Variants in ST3GAL6 observed in about 807,000 individuals in gnomAD.
The protein encoded by ST3GAL6 is type 2 lactosamine alpha-2,3-sialyltransferase.
Under a neutral mutation model 40.5 loss-of-function variants are expected in ST3GAL6, and 31 were observed. The ratio of observed to expected loss-of-function variants is 0.77; its 90% CI spans 0.58 to 1.03. The LOEUF (loss-of-function observed/expected upper bound fraction) is 1.03, where lower values mean the gene tolerates loss of function less well. Ranked by LOEUF, ST3GAL6 falls within the 50% of genes least tolerant of loss-of-function variation. The pLI, the probability that ST3GAL6 is intolerant of heterozygous loss-of-function variation, is 0.00. For synonymous variants in ST3GAL6, 129 were observed against 136.9 expected (o/e 0.94, Z 0.40); for missense variants, 357 against 393.2 (o/e 0.91, Z 0.78).
chr3:98,768,620 T>G, intron 2 of ST3GAL6, 91 bp downstream of exon 2: 2 of 902,808 alleles, frequency 2.2e-6, no homozygotes, highest in Non-Finnish European at 3.5e-6. Flanking sequence ...TGAAAAAAAC[T>G]TGTACCATTT....
chr3:98,768,609 A>C, intron 2 of ST3GAL6, 80 bp downstream of exon 2: 1 of 1,076,940 alleles, frequency 9.3e-7, no homozygotes. Flanking sequence ...AGAGGGTCCT[A>C]TGAAAAAAAC....
At chr3:98,737,119 G>T (rs924439070) in intron 1 of ST3GAL6, among the ~76,000 whole-genome samples, 3 of 151,980 alleles carry the variant, frequency 2.0e-5, no homozygotes, top group African/African-American at 7.2e-5. Flanking sequence ...CTCGATCTCC[G>T]CTCACTAAAA....
At chr3:98,733,244 G>A (rs1162124632) in intron 1 of ST3GAL6, 11 of 978,158 alleles carry the variant, frequency 1.1e-5, no homozygotes, top group Non-Finnish European at 1.2e-5. Flanking sequence ...GTGCGCCGCA[G>A]CCACCGCCGA....
upstream of ST3GAL6, among the ~76,000 whole-genome samples, chr3:98,758,843 T>A (rs941776431): frequency 6.6e-6 from 1 of 152,212 alleles, no homozygotes; most frequent in Non-Finnish European, 1.5e-5. Context: ...CTTTACCATG[T>A]GCCAGTTACT....
chr3:98,779,611 G>A (rs1430052167), intron 5 of ST3GAL6, among the ~76,000 whole-genome samples: 1 of 152,136 alleles, frequency 6.6e-6, no homozygotes, highest in African/African-American at 2.4e-5. Context: ...TCTGCATAAG[G>A]TAATGACTCT....
upstream of ST3GAL6, chr3:98,763,130 G>T (rs1056934869): frequency 3.0e-6 from 3 of 985,434 alleles, no homozygotes; most frequent in South Asian, 4.7e-5. Flanking sequence ...GGCTGGGTCT[G>T]TGAGGCTTAG....
chr3:98,782,427 G>A (rs898675485), intron 5 of ST3GAL6: 4 of 628,118 alleles, frequency 6.4e-6, no homozygotes, highest in Middle Eastern at 3.6e-4. Flanking sequence ...TCTCACAATA[G>A]CCAGATCTGA....
chr3:98,751,954 A>G (rs1419624458), intron 1 of ST3GAL6, among the ~76,000 whole-genome samples: 14 of 152,228 alleles, frequency 9.2e-5, no homozygotes, highest in African/African-American at 3.1e-4. Context: ...ATTAGAGTTC[A>G]TAAATGGCCT....
At chr3:98,782,634 C>CTTT in intron 5 of ST3GAL6, 1 of 482,348 alleles carries the variant, frequency 2.1e-6, no homozygotes, top group Non-Finnish European at 3.9e-6. Context: ...GCTGGCCTCT[C>CTTT]TTCTGAAAAC....
At chr3:98,766,788 T>G (rs985872570) in intron 1 of ST3GAL6, among the ~76,000 whole-genome samples, 2 of 152,190 alleles carry the variant, frequency 1.3e-5, no homozygotes, top group African/African-American at 4.8e-5. Context: ...TTCCTCACTA[T>G]TTTGGCCCAT....
At chr3:98,770,139 A>G (rs1045344904) in intron 2 of ST3GAL6, among the ~76,000 whole-genome samples, 2 of 152,194 alleles carry the variant, frequency 1.3e-5, no homozygotes, top group Non-Finnish European at 2.9e-5. Flanking sequence ...AAAATTGATT[A>G]GTTTTTAAAT....
chr3:98,759,553 G>A (rs1937590449), upstream of ST3GAL6, among the ~76,000 whole-genome samples: 1 of 151,944 alleles, frequency 6.6e-6, no homozygotes, highest in Admixed American at 6.6e-5. Context: ...CGTGTAAAAT[G>A]TTCTTCTTTA....
At chr3:98,790,017 G>A (rs1206385616) in intron 8 of ST3GAL6, among the ~76,000 whole-genome samples, 1 of 152,144 alleles carries the variant, frequency 6.6e-6, no homozygotes, top group Non-Finnish European at 1.5e-5. Context: ...GGTCATATTG[G>A]TGATATATAT....
chr3:98,783,627 G>T (rs1389406008), intron 5 of ST3GAL6: 40 of 985,046 alleles, frequency 4.1e-5, no homozygotes, highest in Non-Finnish European at 4.7e-5. Context: ...GACCCTTCTG[G>T]AACCTACTGT....
intron 2 of ST3GAL6, among the ~76,000 whole-genome samples, chr3:98,769,382 T>G (rs978492387): frequency 6.6e-6 from 1 of 152,218 alleles, no homozygotes; most frequent in Non-Finnish European, 1.5e-5. Flanking sequence ...GTTTTAGGCT[T>G]TGGACCCAAA....
At chr3:98,746,065 A>AGATG (rs1468945657) in intron 1 of ST3GAL6, among the ~76,000 whole-genome samples, 1 of 152,148 alleles carries the variant, frequency 6.6e-6, no homozygotes. Context: ...TTGGTTGGAT[A>AGATG]GATGGATGGA....
chr3:98,736,330 T>A (rs1226504399), intron 1 of ST3GAL6, among the ~76,000 whole-genome samples: 2 of 152,232 alleles, frequency 1.3e-5, no homozygotes, highest in African/African-American at 4.8e-5. Context: ...TTGCATACTT[T>A]GCAATGTATT....
At chr3:98,784,197 G>A (rs1940460450) in intron 5 of ST3GAL6, among the ~76,000 whole-genome samples, 1 of 152,230 alleles carries the variant, frequency 6.6e-6, no homozygotes, top group African/African-American at 2.4e-5. Context: ...CAAGGACACA[G>A]TCTATTTTGT....
chr3:98,766,461 G>A (rs533011182), intron 1 of ST3GAL6, among the ~76,000 whole-genome samples: 342 of 129,908 alleles, frequency 2.6e-3, no homozygotes, highest in Admixed American at 5.2e-3. Context: ...TCACTCTGTC[G>A]CCCAGGCTGG....
Sources: allele counts gnomAD v4.1 joint callset (sites outside exome capture counted in the v4.1 genomes callset), GRCh38; gene constraint gnomAD v4.1.1; transcripts MANE v1.5; gene names NCBI Gene and HGNC (gene_info 2026-07-23, HGNC 2026-07-21).